VPS13C: variants seen among roughly 807,000 people sequenced by gnomAD.
The protein encoded by VPS13C is vacuolar protein sorting 13 homolog C, also known as intermembrane lipid transfer protein VPS13C.
Under a neutral mutation model 456.8 loss-of-function variants are expected in VPS13C, and 358 were observed. That is an observed-to-expected ratio of 0.78 (90% confidence interval 0.72 to 0.86). The LOEUF (loss-of-function observed/expected upper bound fraction) is 0.86, where lower values mean the gene tolerates loss of function less well. VPS13C is among the 40% of genes least tolerant of loss of function. The pLI, the probability that VPS13C is intolerant of heterozygous loss-of-function variation, is 0.00. For missense variants in VPS13C, 4,818 were observed against 4,385.4 expected, an observed-to-expected ratio of 1.10 and a Z score of -2.79; for synonymous variants, 1,578 against 1,486.7, an observed-to-expected ratio of 1.06 and a Z score of -1.41.
intron 67 of VPS13C, among the ~76,000 whole-genome samples, chr15:61,884,837 T>C (rs1001584869): frequency 1.3e-5 from 2 of 152,104 alleles, no homozygotes; most frequent in African/African-American, 4.8e-5. Flanking sequence ...AATACTGATA[T>C]TGGTCAATGA....
chr15:61,968,009 G>A (rs1029954860), intron 28 of VPS13C, among the ~76,000 whole-genome samples: 5 of 151,806 alleles, frequency 3.3e-5, no homozygotes, highest in Admixed American at 3.3e-4. Flanking sequence ...ATTTTCCCTT[G>A]ACTTCCAAGG....
At chr15:62,045,630 G>C (rs1474577826) in intron 1 of VPS13C, among the ~76,000 whole-genome samples, 2 of 152,058 alleles carry the variant, frequency 1.3e-5, no homozygotes, top group Non-Finnish European at 2.9e-5. Flanking sequence ...AAAACAAAGA[G>C]ATAAAATATA....
chr15:61,964,624 G>T (rs1471991229), intron 31 of VPS13C, 75 bp downstream of exon 31: 2 of 1,356,200 alleles, frequency 1.5e-6, no homozygotes, highest in Non-Finnish European at 2.0e-6. Flanking sequence ...GAGTCAGATA[G>T]TCTCTAGTAT....
At chr15:62,042,574 G>A (rs1195188869) in intron 2 of VPS13C, among the ~76,000 whole-genome samples, 1 of 151,766 alleles carries the variant, frequency 6.6e-6, no homozygotes. Flanking sequence ...TGTCCTCCTG[G>A]AGGACAGGAA....
chr15:61,991,832 T>A (rs981520981), intron 16 of VPS13C, 30 bp from the exon 17 acceptor site: 7 of 1,603,716 alleles, frequency 4.4e-6, no homozygotes, highest in Non-Finnish European at 6.0e-6. Flanking sequence ...AAATTTACTT[T>A]AAGAATGTTG....
At position 61,920,639 on chromosome 15, in the gene VPS13C, C is replaced by T. The variant is rs770792152; in HGVS notation, c.7071G>A (p.Lys2357=). The part of the protein sequence containing the change: ...RQWNLRLDVK[K]NPVQDKSLLP... ...GCAAACTTTTATCCTGAACTGGGTT[C>T]TTCTTTACCTATGAAGAAAAATAAC... Residue 2357 remains lysine, a synonymous_variant, in exon 56 of 85, where the codon AAG becomes AAA. Coordinates refer to ENST00000644861, the MANE Select transcript of VPS13C (RefSeq NM_020821.3). 2 of 1,563,694 alleles carry T rather than the reference C, an allele frequency of 1.3e-6. No individual in the cohort carries two copies. Among genetic ancestry groups the T allele is most frequent in the East Asian group, 2.3e-5 (1 of 43,472 alleles).
Position 61,951,040 on chromosome 15 carries a change from G to T in VPS13C, c.4457-16C>A. On this transcript the variant is annotated splice_polypyrimidine_tract_variant and intron_variant, in intron 39 of 84. Transcript: ENST00000644861. ...CCTTTAGAGTCTAAAAGAGAAAAAA[G>T]ACAAAGTTGATCCATCAATTAAACA... The T allele has an allele frequency of 6.6e-7, 1 of 1,505,190 alleles. No homozygotes were observed. Among genetic ancestry groups the T allele is most frequent in the East Asian group, 2.3e-5 (1 of 43,854 alleles). The allele number at this position is 1,505,190 out of a possible 1,614,324, so 93.2% of individuals were successfully genotyped here.
intron 39 of VPS13C, among the ~76,000 whole-genome samples, chr15:61,951,268 C>T (rs1470102814): frequency 6.6e-6 from 1 of 151,988 alleles, no homozygotes. Flanking sequence ...TATGGTACTA[C>T]TGTATTACTC....
intron 82 of VPS13C, among the ~76,000 whole-genome samples, chr15:61,857,770 G>C (rs1250527630): frequency 6.6e-6 from 1 of 152,128 alleles, no homozygotes; most frequent in East Asian, 1.9e-4. Context: ...GTATGGCAGT[G>C]GCTCTGAGAA....
Position 61,978,745 on chromosome 15 carries a change from T to C in VPS13C, c.2171A>G (p.Asn724Ser), listed in dbSNP as rs143708476. Reference sequence around the variant, plus strand: ...CTTCTGTAAACCTTGATCTTTACTGTTGAGCTAAAATGAAGGACAAATTTC... The same window carrying C: ...CTTCTGTAAACCTTGATCTTTACTGCTGAGCTAAAATGAAGGACAAATTTC... ...LILDFGTFQL[N>S]SKDQGLQKTT... Residue 724 changes from asparagine (N) to serine (S), a missense_variant, in exon 23 of 85, where the codon AAC becomes AGC. By Grantham distance (46) the Asn-to-Ser change is conservative. Transcript: ENST00000644861. 7 of 1,590,146 alleles carry C rather than the reference T, an allele frequency of 4.4e-6. No individual in the cohort carries two copies. Among genetic ancestry groups the C allele is most frequent in the African/African-American group, 4.1e-5 (3 of 73,426 alleles).
At chr15:61,998,822 CA>C (rs1377661973) in intron 16 of VPS13C, among the ~76,000 whole-genome samples, 7 of 152,184 alleles carry the variant, frequency 4.6e-5, no homozygotes, top group Non-Finnish European at 7.3e-5. Flanking sequence ...ACCCCTGAGA[CA>C]ATCCTCCTCT....
intron 81 of VPS13C, chr15:61,865,448 A>G: frequency 1.0e-6 from 1 of 984,784 alleles, no homozygotes; most frequent in Non-Finnish European, 1.2e-6. Flanking sequence ...ACTAAAAAGC[A>G]AGAAATGCTG....
At chr15:62,026,703 G>C (rs1205670038) in intron 6 of VPS13C, among the ~76,000 whole-genome samples, 2 of 152,178 alleles carry the variant, frequency 1.3e-5, no homozygotes, top group East Asian at 1.9e-4. Context: ...TCCTACTTCA[G>C]TATGCAGAAA....
intron 11 of VPS13C, 82 bp from the exon 12 acceptor site, chr15:62,012,246 ACAC>A: frequency 1.4e-6 from 1 of 711,328 alleles, no homozygotes; most frequent in South Asian, 1.9e-5. Flanking sequence ...ACACACACAC[ACAC>A]ACACACACAA....
At chr15:62,014,282 C>T (rs558725973) in intron 9 of VPS13C, among the ~76,000 whole-genome samples, 24 of 152,098 alleles carry the variant, frequency 1.6e-4, no homozygotes, top group African/African-American at 5.5e-4. Flanking sequence ...AGAGAGCCAG[C>T]CTATACACTA....
intron 48 of VPS13C, among the ~76,000 whole-genome samples, chr15:61,936,071 T>C (rs956756822): frequency 1.3e-5 from 2 of 152,332 alleles, no homozygotes; most frequent in Admixed American, 6.5e-5. Flanking sequence ...AAACCTTGTA[T>C]TTTAGAAAAA....
At position 61,957,070 on chromosome 15, in the gene VPS13C, GAATAA is replaced by G. The variant is rs137887832; in HGVS notation, c.4165+1533_4165+1537del. Among the ~76,000 whole-genome samples the G allele has an allele frequency of 1.1e-3, 173 of 151,812 alleles. 4 individuals are homozygous for G. In the East Asian group the frequency reaches 0.026, roughly 23 times the overall value. On this transcript the variant is annotated intron_variant, in intron 37 of 84. Coordinates refer to ENST00000644861, the MANE Select transcript of VPS13C (RefSeq NM_020821.3). ...ACAACCTGAATGTCCATCAAAGAAT[GAATAA>G]AATAAATTTTGATACATTCATATAA...
intron 83 of VPS13C, 127 bp from the exon 84 acceptor site, chr15:61,855,081 C>A: frequency 2.9e-6 from 2 of 678,896 alleles, no homozygotes; most frequent in Non-Finnish European, 4.9e-6. Context: ...TACACATATT[C>A]AAGTAAGATA....
At chr15:61,952,068 A>G in intron 38 of VPS13C, 88 bp from the exon 39 acceptor site, 1 of 1,443,072 alleles carries the variant, frequency 6.9e-7, no homozygotes, top group Non-Finnish European at 9.4e-7. Context: ...CCAGAGTGAT[A>G]TAAGGAAGAA....
Sources: gnomAD v4.1 joint callset for allele counts (sites outside exome capture counted in the v4.1 genomes callset) on GRCh38, gnomAD v4.1.1 for gene constraint, MANE v1.5 for transcripts, NCBI Gene and HGNC (gene_info 2026-07-23, HGNC 2026-07-21) for gene names.